SORCS3: variants seen among roughly 807,000 people sequenced by gnomAD.
SORCS3 encodes sortilin related VPS10 domain containing receptor 3.
Under a neutral mutation model 146.3 loss-of-function variants are expected in SORCS3, and 57 were observed. That is an observed-to-expected ratio of 0.39 (90% CI 0.31 to 0.49). SORCS3 has a LOEUF of 0.49. Ranked by LOEUF, SORCS3 falls within the 20% of genes least tolerant of loss-of-function variation. The pLI, the probability that SORCS3 is intolerant of heterozygous loss-of-function variation, is 0.92. For synonymous variants in SORCS3, 653 were observed against 618.5 expected, an observed-to-expected ratio of 1.06 and a Z score of -0.83; for missense variants, 1,341 against 1,575.5, an observed-to-expected ratio of 0.85 and a Z score of 2.52.
intron 2 of SORCS3, among the ~76,000 whole-genome samples, chr10:104,884,017 C>T (rs1564705429): frequency 6.6e-6 from 1 of 151,842 alleles, no homozygotes; most frequent in Non-Finnish European, 1.5e-5. Context: ...TGAGAACTGA[C>T]CAAACAGATG....
chr10:104,796,761 A>G (rs564053117), intron 1 of SORCS3, among the ~76,000 whole-genome samples: 2 of 152,352 alleles, frequency 1.3e-5, no homozygotes, highest in South Asian at 4.1e-4. Context: ...ATTTTGTATC[A>G]TTCAAGAGGC....
At chr10:104,998,050 C>T (rs894125674) in intron 4 of SORCS3, among the ~76,000 whole-genome samples, 2 of 152,070 alleles carry the variant, frequency 1.3e-5, no homozygotes, top group Middle Eastern at 3.4e-3. Flanking sequence ...AGGAACCTAC[C>T]GGGTGTTTAT....
chr10:104,826,145 G>A (rs1231122777), intron 1 of SORCS3, among the ~76,000 whole-genome samples: 2 of 152,110 alleles, frequency 1.3e-5, no homozygotes, highest in Non-Finnish European at 2.9e-5. Context: ...TCTAGGCAAT[G>A]GGGATAATGC....
intron 2 of SORCS3, among the ~76,000 whole-genome samples, chr10:104,910,977 C>G (rs1379890697): frequency 1.3e-5 from 2 of 152,214 alleles, no homozygotes; most frequent in Non-Finnish European, 2.9e-5. Context: ...GTCTTATGAA[C>G]CTAGTGTCAG....
intron 26 of SORCS3, 128 bp downstream of exon 26, chr10:105,262,619 T>G: frequency 1.0e-6 from 1 of 1,000,806 alleles, no homozygotes; most frequent in South Asian, 2.3e-5. Flanking sequence ...GACAGAATCA[T>G]GTTTTAAATT....
At chr10:105,063,425 G>T (rs1291239595) in intron 5 of SORCS3, among the ~76,000 whole-genome samples, 1 of 152,140 alleles carries the variant, frequency 6.6e-6, no homozygotes, top group Non-Finnish European at 1.5e-5. Flanking sequence ...CACTGTATCT[G>T]TTGTGCTGAT....
In SORCS3 at chr10:104,675,710, T is replaced by C. The variant is rs188432020; in HGVS notation, c.627+33756T>C. Among the ~76,000 whole-genome samples, 92 of 152,338 alleles carry C rather than the reference T, an allele frequency of 6.0e-4. 1 individual carries two copies. The highest frequency in any genetic ancestry group is 6.0e-3 in the Admixed American group (92 of 15,300). ...TTTGTGAACTTTCTATTTGGTTCCA[T>C]TGCTCTATTTTCCTATCCTAATACC... On this transcript the variant is annotated intron_variant, in intron 1 of 26. Transcript: ENST00000369701.
At chr10:104,780,069 G>A (rs376431022) in intron 1 of SORCS3, among the ~76,000 whole-genome samples, 12 of 151,936 alleles carry the variant, frequency 7.9e-5, no homozygotes, top group African/African-American at 2.4e-4. Flanking sequence ...TAGGGGTGAC[G>A]GGTGGTACAA....
At chr10:104,773,759 A>C (rs2017277850) in intron 1 of SORCS3, among the ~76,000 whole-genome samples, 1 of 152,232 alleles carries the variant, frequency 6.6e-6, no homozygotes, top group South Asian at 2.1e-4. Flanking sequence ...GAACTGCTCA[A>C]ACTAGAAGCC....
intron 2 of SORCS3, among the ~76,000 whole-genome samples, chr10:104,889,438 C>G (rs996888691): frequency 6.8e-6 from 1 of 147,230 alleles, no homozygotes; most frequent in Non-Finnish European, 1.5e-5. Context: ...TTCCATTTTC[C>G]CTCCTTTTGG....
At chr10:105,237,604 T>C (rs990312849) in intron 20 of SORCS3, among the ~76,000 whole-genome samples, 1 of 152,184 alleles carries the variant, frequency 6.6e-6, no homozygotes, top group African/African-American at 2.4e-5. Flanking sequence ...TGGTCCCCAG[T>C]AGTTGATCCA....
chr10:105,164,012 T>TG (rs1303085423), intron 11 of SORCS3, among the ~76,000 whole-genome samples: 1 of 152,076 alleles, frequency 6.6e-6, no homozygotes, highest in African/African-American at 2.4e-5. Flanking sequence ...TCAGGAGCAA[T>TG]GTGAGAGATT....
intron 1 of SORCS3, among the ~76,000 whole-genome samples, chr10:104,729,104 A>G (rs2016676770): frequency 6.6e-6 from 1 of 152,222 alleles, no homozygotes; most frequent in African/African-American, 2.4e-5. Flanking sequence ...TTAAAATCCT[A>G]GGCAAAAGAT....
chr10:104,651,123 T>G lies in SORCS3; in HGVS notation c.627+9169T>G, dbSNP rs77476042. ...AGCTGGTGACACAGATAAACTTGTTTTCCAGAGTGGTGGTGGAAGAGGAGG... is the reference window on the plus strand; with the variant it reads ...AGCTGGTGACACAGATAAACTTGTTGTCCAGAGTGGTGGTGGAAGAGGAGG... On this transcript the variant is annotated intron_variant, in intron 1 of 26. Coordinates refer to ENST00000369701, the MANE Select transcript of SORCS3 (RefSeq NM_014978.3). 4.9e-3 allele frequency among the ~76,000 whole-genome samples: 749 copies of G among 152,342 alleles called. 5 individuals are homozygous for G. The highest frequency in any genetic ancestry group is 0.017 in the African/African-American group (719 of 41,584).
chr10:104,738,263 A>T (rs916377999), intron 1 of SORCS3, among the ~76,000 whole-genome samples: 2 of 152,152 alleles, frequency 1.3e-5, no homozygotes, highest in Non-Finnish European at 2.9e-5. Context: ...TTGGTTCCAT[A>T]TAAACTTTAA....
At chr10:104,846,975 C>T (rs188397205) in intron 2 of SORCS3, among the ~76,000 whole-genome samples, 10 of 152,308 alleles carry the variant, frequency 6.6e-5, no homozygotes. Context: ...AAGTCTGCAG[C>T]TAGACAGACA....
chr10:104,931,259 A>G (rs2019204998), intron 3 of SORCS3, among the ~76,000 whole-genome samples: 2 of 152,208 alleles, frequency 1.3e-5, no homozygotes, highest in Non-Finnish European at 2.9e-5. Context: ...CAAGCCCAGT[A>G]TCTTCCTGTT....
intron 5 of SORCS3, among the ~76,000 whole-genome samples, chr10:105,075,156 A>G (rs933077004): frequency 6.6e-6 from 1 of 152,156 alleles, no homozygotes; most frequent in Non-Finnish European, 1.5e-5. Flanking sequence ...TCTTGCATCT[A>G]ATTACATGTG....
intron 3 of SORCS3, among the ~76,000 whole-genome samples, chr10:104,954,247 G>T (rs1048921440): frequency 6.6e-6 from 1 of 152,154 alleles, no homozygotes; most frequent in Non-Finnish European, 1.5e-5. Context: ...ATTATTAAAA[G>T]CTTAGAAAAG....
Sources: gnomAD v4.1 joint callset for allele counts (sites outside exome capture counted in the v4.1 genomes callset) on GRCh38, gnomAD v4.1.1 for gene constraint, MANE v1.5 for transcripts, NCBI Gene and HGNC (gene_info 2026-07-23, HGNC 2026-07-21) for gene names.